ZNF589: variants seen among roughly 807,000 people sequenced by gnomAD.
ZNF589 encodes the protein KRAB-zinc finger protein SZF1-1.
A neutral mutation model predicts 13.6 loss-of-function variants in ZNF589; 17 were observed. The ratio of observed to expected loss-of-function variants is 1.25; its 90% CI spans 0.86 to 1.88. The LOEUF (loss-of-function observed/expected upper bound fraction) is 1.88, where lower values mean the gene tolerates loss of function less well. ZNF589 is among the 40% of genes most tolerant of loss of function. The pLI is 0.00. For missense variants in ZNF589, 407 were observed against 434.0 expected, an observed-to-expected ratio of 0.94 and a Z score of 0.55; for synonymous variants, 148 against 161.6, an observed-to-expected ratio of 0.92 and a Z score of 0.64.
At chr3:48,247,357 T>C (rs555899539) in intron 1 of ZNF589, among the ~76,000 whole-genome samples, 17 of 152,182 alleles carry the variant, frequency 1.1e-4, no homozygotes, top group African/African-American at 4.1e-4. Context: ...ACAGTTTTGC[T>C]AATTTTTAGG....
chr3:48,255,116 T>C (rs1429154252), intron 2 of ZNF589, among the ~76,000 whole-genome samples: 1 of 152,130 alleles, frequency 6.6e-6, no homozygotes, highest in African/African-American at 2.4e-5. Context: ...AGGTTTTTTG[T>C]AGATGTTCTT....
At chr3:48,241,238 C>A in intron 1 of ZNF589, 24 bp downstream of exon 1, 1 of 1,608,206 alleles carries the variant, frequency 6.2e-7, no homozygotes, top group Admixed American at 1.7e-5. Context: ...GCGAGATCGC[C>A]TCCCCCATTC....
rs1179315680 is a variant in ZNF589 at position 48,268,311 on chromosome 3, C to CA, written c.621dup (p.Glu208ArgfsTer18). 6.2e-7 allele frequency: 1 copy of CA among 1,613,754 alleles called. No homozygotes were observed. Among genetic ancestry groups the CA allele is most frequent in the East Asian group, 2.2e-5 (1 of 44,884 alleles). ...GAAGTAGACAGAATTTCCAAGAGGG[C>CA]AGAAACCCCAGGGTTTGGAGCAGTC... On this transcript the variant is annotated frameshift_variant, in exon 4 of 4. Transcript: ENST00000354698. LOFTEE classifies it low-confidence loss of function (END_TRUNC).
At position 48,269,568 on chromosome 3, in the gene ZNF589, C is replaced by T. The variant is rs949191124; in HGVS notation, c.*782C>T. On this transcript the variant is annotated 3_prime_UTR_variant, in exon 4 of 4. Coordinates refer to ENST00000354698, the MANE Select transcript of ZNF589 (RefSeq NM_016089.3). ...GGGCGAAACTTTAGCCACAAGTCCA[C>T]TCTCAGCTTACATCAGAGGATACAC... 1 of 336,292 alleles carries T rather than the reference C, an allele frequency of 3.0e-6. No homozygotes were observed. Among genetic ancestry groups the T allele is most frequent in the Non-Finnish European group, 5.8e-6 (1 of 171,590 alleles). The allele number at this position is 336,292 out of a possible 1,614,324, so 20.8% of individuals were successfully genotyped here. A position where few individuals can be genotyped will look rare whatever the true frequency, so the allele number is the denominator to read the frequency against.
intron 2 of ZNF589, among the ~76,000 whole-genome samples, chr3:48,252,774 C>T (rs2033853996): frequency 6.6e-6 from 1 of 151,142 alleles, no homozygotes; most frequent in Admixed American, 6.6e-5. Flanking sequence ...AGGCCACTGC[C>T]ACCTTGCCCG....
chr3:48,270,429 A>G lies in ZNF589; in HGVS notation c.*1643A>G, dbSNP rs1296296851. 1 of 360,628 alleles carries G rather than the reference A, an allele frequency of 2.8e-6. No individual in the cohort carries two copies. The highest frequency in any genetic ancestry group is 5.4e-6 in the Non-Finnish European group (1 of 184,692). 22.3% of individuals were successfully genotyped at this position (360,628 alleles called of 1,614,324 possible). On this transcript the variant is annotated 3_prime_UTR_variant, in exon 4 of 4. Transcript: ENST00000354698. ...AACACAGCTCCTCTTAAATCCTCCA[A>G]TCTCAGTACCCAGTGTTTTAGCCAT...
chr3:48,268,171 AAG>A lies in ZNF589; in HGVS notation c.481_482del (p.Arg161GlyfsTer8). The A allele has an allele frequency of 6.2e-7, 1 of 1,612,858 alleles. No homozygotes were observed. The highest frequency in any genetic ancestry group is 8.5e-7 in the Non-Finnish European group (1 of 1,179,326). On this transcript the variant is annotated frameshift_variant, in exon 4 of 4. Coordinates refer to ENST00000354698, the MANE Select transcript of ZNF589 (RefSeq NM_016089.3). LOFTEE classifies it low-confidence loss of function (END_TRUNC). ...VRPLFWSTNE[R>X]GALVGFSSLF... ...GACCCTTGTTTTGGAGTACAAATGA[AAG>A]GGGGGCTTTAGTGGGTTTCTCTAGC...
chr3:48,258,375 C>T (rs571953248), intron 2 of ZNF589, among the ~76,000 whole-genome samples: 1 of 152,180 alleles, frequency 6.6e-6, no homozygotes. Flanking sequence ...CATCTTGTAT[C>T]TTTCAGTCCT....
At chr3:48,253,374 A>G (rs2033859520) in intron 2 of ZNF589, among the ~76,000 whole-genome samples, 1 of 152,048 alleles carries the variant, frequency 6.6e-6, no homozygotes, top group East Asian at 1.9e-4. Context: ...GTGGTTATTA[A>G]CTAAAGTCCA....
At chr3:48,256,502 TG>T (rs34885035) in intron 2 of ZNF589, 153,860 of 610,464 alleles carry the variant, frequency 0.25, 22,078 homozygotes, top group South Asian at 0.3. Flanking sequence ...CTGGTTGAAT[TG>T]GGGTTTGCCC....
chr3:48,248,019 A>C (rs923834067), intron 2 of ZNF589, among the ~76,000 whole-genome samples: 4 of 152,226 alleles, frequency 2.6e-5, no homozygotes, highest in Non-Finnish European at 5.9e-5. Flanking sequence ...ATAGTATCTA[A>C]TAGTCTGATC....
chr3:48,248,845 A>AC (rs1354756972), intron 2 of ZNF589, among the ~76,000 whole-genome samples: 1 of 152,224 alleles, frequency 6.6e-6, no homozygotes, highest in East Asian at 1.9e-4. Context: ...TGATAATCAA[A>AC]TTCATGGTAT....
chr3:48,250,317 T>C (rs1177805259), intron 2 of ZNF589, among the ~76,000 whole-genome samples: 1 of 149,874 alleles, frequency 6.7e-6, no homozygotes, highest in Non-Finnish European at 1.5e-5. Flanking sequence ...TTTTTTTTTT[T>C]TTTTTTTTTT....
At chr3:48,247,298 A>G (rs2033779685) in intron 1 of ZNF589, among the ~76,000 whole-genome samples, 1 of 151,748 alleles carries the variant, frequency 6.6e-6, no homozygotes, top group Non-Finnish European at 1.5e-5. Flanking sequence ...AAAAAAAAAC[A>G]TGTAACTAGA....
intron 2 of ZNF589, among the ~76,000 whole-genome samples, chr3:48,259,918 CAAAAAAA>C (rs538817691): frequency 1.0e-5 from 1 of 98,162 alleles, no homozygotes; most frequent in Non-Finnish European, 2.1e-5. Flanking sequence ...GACTCCGTAT[CAAAAAAA>C]AAAAAAAAAA....
intron 2 of ZNF589, among the ~76,000 whole-genome samples, chr3:48,248,192 C>G (rs1559979708): frequency 6.6e-6 from 1 of 152,120 alleles, no homozygotes; most frequent in Admixed American, 6.5e-5. Context: ...AAATCCAAGG[C>G]ATCATACCAT....
chr3:48,257,936 G>A, intron 2 of ZNF589: 1 of 450,504 alleles, frequency 2.2e-6, no homozygotes, highest in Non-Finnish European at 4.4e-6. Flanking sequence ...TAGATACCCT[G>A]TCTCAAGTAT....
At chr3:48,251,494 A>C in intron 2 of ZNF589, among the ~76,000 whole-genome samples, 1 of 151,968 alleles carries the variant, frequency 6.6e-6, no homozygotes, top group Non-Finnish European at 1.5e-5. Context: ...TGGGAGGCAG[A>C]GGTTGCAGTG....
Position 48,260,480 on chromosome 3 carries a change from T to A in ZNF589, c.97-333T>A, listed in dbSNP as rs545563723. On this transcript the variant is annotated intron_variant, in intron 2 of 3. Coordinates refer to ENST00000354698, the MANE Select transcript of ZNF589 (RefSeq NM_016089.3). The stretch of plus-strand genomic sequence containing the variant: ...CTGGAGTGCAATGGAGTGATCTTGG[T>A]TTACTGCCACCTCTGCCTCTCAGGT... 9.9e-5 allele frequency among the ~76,000 whole-genome samples: 15 copies of A among 152,128 alleles called. No homozygotes were observed. In the East Asian group the frequency reaches 2.7e-3, roughly 27 times the overall value.
Sources: allele counts gnomAD v4.1 joint callset (sites outside exome capture counted in the v4.1 genomes callset), GRCh38; gene constraint gnomAD v4.1.1; transcripts MANE v1.5; gene names NCBI Gene and HGNC (gene_info 2026-07-23, HGNC 2026-07-21).